FOXO3: variants seen among roughly 807,000 people sequenced by gnomAD.
FOXO3 encodes the protein forkhead box O3.
Under a neutral mutation model 41.9 loss-of-function variants are expected in FOXO3, and 4 were observed. That is an observed-to-expected ratio of 0.10 (90% CI 0.05 to 0.22). The LOEUF (loss-of-function observed/expected upper bound fraction) is 0.22, where lower values mean the gene tolerates loss of function less well. Ranked by LOEUF, FOXO3 falls within the 10% of genes least tolerant of loss-of-function variation. FOXO3 has a pLI of 1.00. For synonymous variants in FOXO3, 318 were observed against 389.3 expected (o/e 0.82, Z 2.16); for missense variants, 534 against 906.8 (o/e 0.59, Z 5.28).
chr6:108,639,614 G>T (rs1252195418), intron 1 of FOXO3: 3 of 983,972 alleles, frequency 3.0e-6, no homozygotes, highest in Admixed American at 6.2e-5. Flanking sequence ...AAACAGGTTT[G>T]GTTTGCTCCT....
In FOXO3 at chr6:108,561,298, C is replaced by T; in HGVS notation, c.90C>T (p.Ser30=). ...TCGAGCCCCAGAGCCGTCCGCGATC[C>T]TGTACGTGGCCCCTGCAAAGGCCGG... is the stretch of plus-strand genomic sequence containing the variant. ...PEFEPQSRPR[S]CTWPLQRPEL... Residue 30 remains serine (S), a synonymous_variant, in exon 1 of 3, where the codon TCC becomes TCT. Coordinates refer to ENST00000406360, the MANE Select transcript of FOXO3 (RefSeq NM_001455.4). 1 of 1,568,094 alleles carries T rather than the reference C, an allele frequency of 6.4e-7. No homozygotes were observed. The highest frequency in any genetic ancestry group is 1.9e-5 in the Admixed American group (1 of 53,482).
At chr6:108,560,833 T>A (rs1434090864), upstream of FOXO3, 3 of 481,542 alleles carry the variant, frequency 6.2e-6, no homozygotes, top group Non-Finnish European at 9.2e-6. Flanking sequence ...GGGAGGGACC[T>A]GCGGCTGGGC....
chr6:108,657,826 C>T (rs1778732478), intron 1 of FOXO3, among the ~76,000 whole-genome samples: 1 of 152,196 alleles, frequency 6.6e-6, no homozygotes, highest in Non-Finnish European at 1.5e-5. Context: ...GGTATTTTAT[C>T]TGGCATCTAT....
intron 1 of FOXO3, among the ~76,000 whole-genome samples, chr6:108,585,144 C>T (rs1776542083): frequency 6.8e-6 from 1 of 146,920 alleles, no homozygotes; most frequent in Non-Finnish European, 1.5e-5. Context: ...TGGGTTCACG[C>T]CATTCTCCTG....
chr6:108,670,686 G>A (rs1173568746), intron 2 of FOXO3, among the ~76,000 whole-genome samples: 1 of 152,110 alleles, frequency 6.6e-6, no homozygotes, highest in Non-Finnish European at 1.5e-5. Flanking sequence ...AGAAACCATA[G>A]CACCAGTGTT....
chr6:108,678,749 G>A lies in FOXO3; in HGVS notation c.*35-1078G>A, dbSNP rs897810177. Among the ~76,000 whole-genome samples, 18 of 151,794 alleles carry A rather than the reference G, an allele frequency of 1.2e-4. No homozygotes were observed. The East Asian group carries it at 1.7e-3, about 15-fold the overall frequency. On this transcript the variant is annotated intron_variant, in intron 2 of 2. Transcript: ENST00000406360. ...TGTAATACAAAAATCAAATTCCTAAGCCAGGTGCATTGGCGTGCCTGTAGT... is the reference window on the plus strand; with the variant it reads ...TGTAATACAAAAATCAAATTCCTAAACCAGGTGCATTGGCGTGCCTGTAGT...
chr6:108,680,218 A>G lies in FOXO3; in HGVS notation c.*426A>G, dbSNP rs1018917434. On this transcript the variant is annotated 3_prime_UTR_variant, in exon 3 of 3. Transcript: ENST00000406360. ...TTGACTTTCTGAGTTTTTCACATGC[A>G]TTAACTTGCGGTATTTTTCTGTTAA... The G allele has an allele frequency of 1.3e-5, 2 of 152,610 alleles. No homozygotes were observed. The highest frequency in any genetic ancestry group is 2.9e-5 in the Non-Finnish European group (2 of 68,032). The allele number at this position is 152,610 out of a possible 1,614,324, so 9.5% of individuals were successfully genotyped here.
At chr6:108,577,718 G>A (rs1776299900) in intron 1 of FOXO3, among the ~76,000 whole-genome samples, 1 of 152,200 alleles carries the variant, frequency 6.6e-6, no homozygotes. Flanking sequence ...TTTGGCTGTG[G>A]AAGTTATCAG....
intron 1 of FOXO3, among the ~76,000 whole-genome samples, chr6:108,663,142 G>A (rs979982047): frequency 2.0e-5 from 3 of 152,170 alleles, no homozygotes; most frequent in Non-Finnish European, 4.4e-5. Flanking sequence ...GGAGGCCAAC[G>A]TGGGAGGATC....
intron 1 of FOXO3, among the ~76,000 whole-genome samples, chr6:108,616,568 A>C (rs1777520654): frequency 6.6e-6 from 1 of 152,164 alleles, no homozygotes; most frequent in Non-Finnish European, 1.5e-5. Flanking sequence ...AAGTGCTGGG[A>C]TTACAGGTGT....
intron 1 of FOXO3, among the ~76,000 whole-genome samples, chr6:108,594,894 G>A (rs1310762454): frequency 5.3e-5 from 8 of 152,180 alleles, no homozygotes; most frequent in African/African-American, 1.9e-4. Context: ...GCAAAGTTTT[G>A]TAGGCAGCTC....
chr6:108,584,213 G>C (rs1348039206), intron 1 of FOXO3, among the ~76,000 whole-genome samples: 1 of 152,178 alleles, frequency 6.6e-6, no homozygotes, highest in African/African-American at 2.4e-5. Flanking sequence ...ACAGAAAGTT[G>C]TTTTTCTTGG....
At chr6:108,585,375 C>G (rs1370795640) in intron 1 of FOXO3, among the ~76,000 whole-genome samples, 2 of 152,222 alleles carry the variant, frequency 1.3e-5, no homozygotes, top group African/African-American at 2.4e-5. Context: ...CATGAAGAAT[C>G]TTTGCCATCT....
At chr6:108,588,047 T>A (rs1489625234) in intron 1 of FOXO3, among the ~76,000 whole-genome samples, 1 of 152,176 alleles carries the variant, frequency 6.6e-6, no homozygotes, top group Non-Finnish European at 1.5e-5. Context: ...AGTGTAAGCT[T>A]CCATCTAAAA....
chr6:108,613,007 G>A (rs1777406173), intron 1 of FOXO3, among the ~76,000 whole-genome samples: 1 of 152,168 alleles, frequency 6.6e-6, no homozygotes, highest in Non-Finnish European at 1.5e-5. Context: ...TTCCTCACCT[G>A]TTGAGAAGAT....
Position 108,561,217 on chromosome 6 carries a change from GGCAC to G in FOXO3, c.10_13del (p.Ala4ArgfsTer52), listed in dbSNP as rs1775773648. The stretch of plus-strand genomic sequence containing the variant: ...GCGGGCGGGCGGCGAAGATGGCAGA[GGCAC>G]CGGCTTCCCCGGCCCCGCTCTCTCC... On this transcript the variant is annotated frameshift_variant, in exon 1 of 3. Transcript: ENST00000406360. LOFTEE classifies it high-confidence loss of function. 6.5e-7 allele frequency: 1 copy of G among 1,542,402 alleles called. No homozygotes were observed. Among genetic ancestry groups the G allele is most frequent in the African/African-American group, 1.4e-5 (1 of 71,632 alleles).
intron 1 of FOXO3, among the ~76,000 whole-genome samples, chr6:108,653,319 C>T (rs1778597017): frequency 1.3e-5 from 2 of 152,156 alleles, no homozygotes; most frequent in Admixed American, 6.5e-5. Context: ...GGCCCTCTGC[C>T]GGGTGCTAAA....
chr6:108,567,775 G>C (rs1016187127), intron 1 of FOXO3, among the ~76,000 whole-genome samples: 1 of 152,088 alleles, frequency 6.6e-6, no homozygotes, highest in Admixed American at 6.5e-5. Flanking sequence ...GGCCAGGTGC[G>C]GTGGCTCATG....
At chr6:108,604,954 A>C (rs1777152707) in intron 1 of FOXO3, among the ~76,000 whole-genome samples, 1 of 152,182 alleles carries the variant, frequency 6.6e-6, no homozygotes, top group South Asian at 2.1e-4. Flanking sequence ...TCTGTTTTGC[A>C]AATTTACTTT....
Sources: gnomAD v4.1 joint callset for allele counts (sites outside exome capture counted in the v4.1 genomes callset) on GRCh38, gnomAD v4.1.1 for gene constraint, MANE v1.5 for transcripts, NCBI Gene and HGNC (gene_info 2026-07-23, HGNC 2026-07-21) for gene names.